BLMH: variants seen among roughly 807,000 people sequenced by gnomAD.
The protein encoded by BLMH is bleomycin hydrolase.
BLMH carries 32 observed loss-of-function variants against 61.6 expected under a neutral mutation model. The ratio of observed to expected loss-of-function variants is 0.52; its 90% confidence interval spans 0.39 to 0.70. The LOEUF (loss-of-function observed/expected upper bound fraction) is 0.70, where lower values mean the gene tolerates loss of function less well. Among genes scored for constraint, BLMH ranks in the 30% least tolerant of loss-of-function variants. BLMH has a pLI of 0.00. For missense variants in BLMH, 460 were observed against 555.5 expected (o/e 0.83, Z 1.73); for synonymous variants, 183 against 193.8 (o/e 0.94, Z 0.46).
rs1021055828 is a variant in BLMH, at chr17:30,272,816, C to G, written c.885G>C (p.Gly295=). 8.1e-6 allele frequency: 13 copies of G among 1,614,124 alleles called. No individual in the cohort carries two copies. The highest frequency in any genetic ancestry group is 1.1e-5 in the Non-Finnish European group (13 of 1,180,028). ...TVEYLSNMVG[G]RKTLYNNQPI... is the part of the protein sequence containing the mutation. ...GCTGGTTGTTGTATAGAGTTTTTCT[C>G]CCTCCAACCATATTGCTTAAGTATT... is the stretch of plus-strand genomic sequence containing the variant. The change falls in exon 8 of 12, where the codon GGG becomes GGC. Residue 295 remains glycine, a synonymous_variant. Transcript: ENST00000261714.
At chr17:30,269,953 G>A (rs773694787) in intron 10 of BLMH, among the ~76,000 whole-genome samples, 12 of 152,204 alleles carry the variant, frequency 7.9e-5, no homozygotes, top group Admixed American at 2.6e-4. Flanking sequence ...TTTGAATACA[G>A]AGAGAGCACA....
chr17:30,273,050 C>A, intron 7 of BLMH, 151 bp from the exon 8 acceptor site: 4 of 814,284 alleles, frequency 4.9e-6, no homozygotes, highest in Non-Finnish European at 7.6e-6. Context: ...CAAAGAAACA[C>A]AAGGTGGCAA....
intron 6 of BLMH, among the ~76,000 whole-genome samples, chr17:30,281,395 T>C (rs1473183628): frequency 1.3e-5 from 2 of 151,960 alleles, no homozygotes; most frequent in Non-Finnish European, 2.9e-5. Context: ...GTGATTCATG[T>C]GCACATTAAA....
At chr17:30,280,915 C>T (rs1303919208) in intron 6 of BLMH, among the ~76,000 whole-genome samples, 3 of 152,092 alleles carry the variant, frequency 2.0e-5, no homozygotes, top group African/African-American at 7.2e-5. Context: ...AAGTTCAGTG[C>T]TGTGGGTAAA....
intron 6 of BLMH, among the ~76,000 whole-genome samples, chr17:30,282,445 T>C (rs529944349): frequency 6.6e-6 from 1 of 152,308 alleles, no homozygotes; most frequent in African/African-American, 2.4e-5. Flanking sequence ...CTTGAACTCC[T>C]GGCCTCAAGT....
chr17:30,270,965 T>G (rs1209261139), intron 10 of BLMH, among the ~76,000 whole-genome samples: 1 of 152,230 alleles, frequency 6.6e-6, no homozygotes, highest in Non-Finnish European at 1.5e-5. Context: ...CCTTATAAAG[T>G]AGAAGTTATC....
At chr17:30,256,502 G>A (rs549075837) in intron 11 of BLMH, among the ~76,000 whole-genome samples, 5 of 151,904 alleles carry the variant, frequency 3.3e-5, no homozygotes, top group African/African-American at 7.2e-5. Flanking sequence ...CTAATTTTTC[G>A]TATTTTTAGT....
chr17:30,277,264 A>C (rs1908449415), intron 6 of BLMH, among the ~76,000 whole-genome samples: 1 of 152,214 alleles, frequency 6.6e-6, no homozygotes, highest in South Asian at 2.1e-4. Context: ...AGTATCACAT[A>C]AGCAACCGTA....
chr17:30,257,863 T>C (rs1010331154), intron 11 of BLMH, among the ~76,000 whole-genome samples: 1 of 152,224 alleles, frequency 6.6e-6, no homozygotes. Flanking sequence ...GAGGTAGTTA[T>C]GGCTTCAGCA....
chr17:30,251,701 A>G (rs1249192097), intron 11 of BLMH, among the ~76,000 whole-genome samples: 2 of 151,306 alleles, frequency 1.3e-5, no homozygotes, highest in African/African-American at 4.9e-5. Flanking sequence ...ATTTCCCACT[A>G]CACAGGACCA....
In BLMH at chr17:30,291,794, G is replaced by T. The variant is rs1001981922; in HGVS notation, c.13+13C>A. 3 of 1,400,746 alleles carry T rather than the reference G, an allele frequency of 2.1e-6. No individual in the cohort carries two copies. Among genetic ancestry groups the T allele is most frequent in the Non-Finnish European group, 2.8e-6 (3 of 1,081,990 alleles). 86.8% of individuals were successfully genotyped at this position (1,400,746 alleles called of 1,614,324 possible). On this transcript the variant is annotated intron_variant, in intron 1 of 11. Transcript: ENST00000261714. Reference sequence around the variant, plus strand: ...CCTCCAGAGGACCGCGGCGGGGGACGGCGGCACCTCACCCGAGCTGCTCAT... The same window carrying T: ...CCTCCAGAGGACCGCGGCGGGGGACTGCGGCACCTCACCCGAGCTGCTCAT...
At chr17:30,269,833 C>G (rs374705341) in intron 10 of BLMH, among the ~76,000 whole-genome samples, 1 of 152,188 alleles carries the variant, frequency 6.6e-6, no homozygotes. Flanking sequence ...GGCACCTTTA[C>G]ACCATACTGT....
intron 11 of BLMH, among the ~76,000 whole-genome samples, chr17:30,256,526 C>T (rs572734983): frequency 1.2e-4 from 19 of 152,016 alleles, no homozygotes; most frequent in Admixed American, 7.8e-4. Flanking sequence ...GACGGGGTTT[C>T]GCCACTTTGG....
intron 11 of BLMH, chr17:30,252,175 A>G (rs371501309): frequency 6.6e-6 from 1 of 152,210 alleles, no homozygotes; most frequent in African/African-American, 2.4e-5. Context: ...CTAGGGAACC[A>G]AAGATCACAC....
intron 11 of BLMH, among the ~76,000 whole-genome samples, chr17:30,258,970 C>T (rs1200929635): frequency 6.6e-6 from 1 of 152,114 alleles, no homozygotes; most frequent in Non-Finnish European, 1.5e-5. Flanking sequence ...ATTTCTCTGG[C>T]TGGCCTCCCT....
At chr17:30,255,050 T>A (rs1181807272) in intron 11 of BLMH, among the ~76,000 whole-genome samples, 1 of 152,242 alleles carries the variant, frequency 6.6e-6, no homozygotes, top group Non-Finnish European at 1.5e-5. Flanking sequence ...ATTGTTGGAA[T>A]CCGGATTTTT....
At chr17:30,258,333 A>C (rs527518740) in intron 11 of BLMH, among the ~76,000 whole-genome samples, 2 of 152,280 alleles carry the variant, frequency 1.3e-5, no homozygotes, top group Admixed American at 6.5e-5. Context: ...AAAACATAGA[A>C]GTCTGGCTAT....
chr17:30,278,556 C>A (rs1223045771), intron 6 of BLMH, among the ~76,000 whole-genome samples: 1 of 152,336 alleles, frequency 6.6e-6, no homozygotes, highest in African/African-American at 2.4e-5. Context: ...CCTACTAGAA[C>A]ATCAACTACA....
intron 11 of BLMH, among the ~76,000 whole-genome samples, chr17:30,261,813 A>C (rs1907966955): frequency 6.6e-6 from 1 of 152,246 alleles, no homozygotes. Context: ...GAAGCAGCAG[A>C]AATCTACATA....
Sources: gnomAD v4.1 joint callset for allele counts (sites outside exome capture counted in the v4.1 genomes callset) on GRCh38, gnomAD v4.1.1 for gene constraint, MANE v1.5 for transcripts, NCBI Gene and HGNC (gene_info 2026-07-23, HGNC 2026-07-21) for gene names.